The following ARHGAP6 variants were observed in gnomAD, a reference collection of about 807,000 sequenced individuals.
The protein encoded by ARHGAP6 is rho GTPase-activating protein 6.
ARHGAP6 carries 16 observed loss-of-function variants against 55.7 expected under a neutral mutation model. The ratio of observed to expected loss-of-function variants is 0.29; its 90% CI spans 0.19 to 0.44. The LOEUF is 0.44. ARHGAP6 is among the 20% of genes least tolerant of loss of function. The pLI is 1.00. For synonymous variants in ARHGAP6, 382 were observed against 360.9 expected (o/e 1.06, Z -0.66); for missense variants, 698 against 808.9 (o/e 0.86, Z 1.66).
chrX:11,329,496 G>T (rs937554213), intron 1 of ARHGAP6, among the ~76,000 whole-genome samples: 4 of 112,080 alleles, frequency 3.6e-5, no homozygotes, highest in African/African-American at 1.3e-4. Flanking sequence ...ATTGAAAAAT[G>T]CAAGACACTA....
chrX:11,609,582 C>T (rs894633584), intron 1 of ARHGAP6, among the ~76,000 whole-genome samples: 1 of 111,941 alleles, frequency 8.9e-6, no homozygotes, highest in African/African-American at 3.3e-5. Context: ...GCAGGAGAGG[C>T]AGCTATGGCA....
chrX:11,664,681 C>G lies in ARHGAP6; in HGVS notation c.148G>C (p.Glu50Gln), dbSNP rs1230298592. The change falls in exon 1 of 13, where the codon GAG (glutamate) becomes CAG (glutamine). Residue 50 changes from glutamate to glutamine, a missense_variant. By Grantham distance (29) the Glu-to-Gln change is conservative. Coordinates refer to ENST00000337414, the MANE Select transcript of ARHGAP6 (RefSeq NM_013427.3). ...CGCGCACTGCCCTCCGCGCCCGCCT[C>G]GTCGCTCCCGCAGCCGCCGATCAGG... ...PALIGGCGSD[E>Q]AGAEGSARGA... is the part of the protein sequence containing the mutation. 3 of 1,169,643 alleles carry G rather than the reference C, an allele frequency of 2.6e-6. No homozygotes were observed. Among genetic ancestry groups the G allele is most frequent in the Non-Finnish European group, 1.1e-6 (1 of 875,097 alleles).
intron 1 of ARHGAP6, among the ~76,000 whole-genome samples, chrX:11,314,974 T>G (rs1348323260): frequency 1.8e-5 from 2 of 112,255 alleles, no homozygotes; most frequent in Non-Finnish European, 3.8e-5. Flanking sequence ...ATTGATAAGA[T>G]CACCAAGTGT....
intron 1 of ARHGAP6, among the ~76,000 whole-genome samples, chrX:11,487,460 T>C (rs1328176719): frequency 8.9e-6 from 1 of 112,004 alleles, no homozygotes; most frequent in East Asian, 2.8e-4. Context: ...AGTAAGCATC[T>C]TGAAGGGGCT....
At chrX:11,239,401 A>G (rs1304420953) in intron 2 of ARHGAP6, among the ~76,000 whole-genome samples, 1 of 111,668 alleles carries the variant, frequency 9.0e-6, no homozygotes, top group Non-Finnish European at 1.9e-5. Context: ...AGTGACAAGA[A>G]GGGAGGTGAC....
At chrX:11,598,860 C>T (rs1353483915) in intron 1 of ARHGAP6, among the ~76,000 whole-genome samples, 1 of 111,142 alleles carries the variant, frequency 9.0e-6, no homozygotes, top group East Asian at 2.8e-4. Context: ...AGTTTGAGAC[C>T]AGTCTGGGCA....
intron 2 of ARHGAP6, among the ~76,000 whole-genome samples, chrX:11,224,668 G>C (rs753645887): frequency 8.2e-5 from 9 of 110,326 alleles, no homozygotes; most frequent in Non-Finnish European, 1.7e-4. Context: ...GTGGAGGGGG[G>C]GCGGTTATGA....
chrX:11,153,418 G>C (rs2045816312), intron 10 of ARHGAP6, among the ~76,000 whole-genome samples: 1 of 107,167 alleles, frequency 9.3e-6, no homozygotes, highest in Non-Finnish European at 1.9e-5. Context: ...TCAGCTACTT[G>C]GGAGGCTGAG....
At chrX:11,527,818 G>A (rs966470049) in intron 1 of ARHGAP6, among the ~76,000 whole-genome samples, 1 of 111,833 alleles carries the variant, frequency 8.9e-6, no homozygotes, top group Non-Finnish European at 1.9e-5. Flanking sequence ...TAGATGGGTT[G>A]GGGAAAACAT....
chrX:11,421,633 C>CAGAAA lies in ARHGAP6; in HGVS notation c.589-166927_589-166926insTTTCT, dbSNP rs1343018950. Among the ~76,000 whole-genome samples, 7 of 111,906 alleles carry CAGAAA rather than the reference C, an allele frequency of 6.3e-5. No homozygotes were observed. In the East Asian group the frequency reaches 2.0e-3, roughly 31 times the overall value. Reference sequence around the variant, plus strand: ...GCTCTGAAAACTTGTACTAGATTACCTCAGAGTCAGCTGAGGTGAAGTATT... The same window carrying CAGAAA: ...GCTCTGAAAACTTGTACTAGATTACCAGAAATCAGAGTCAGCTGAGGTGAAGTATT... On this transcript the variant is annotated intron_variant, in intron 1 of 12. Transcript: ENST00000337414.
intron 1 of ARHGAP6, among the ~76,000 whole-genome samples, chrX:11,636,961 C>T (rs2052426256): frequency 9.0e-6 from 1 of 111,005 alleles, no homozygotes; most frequent in Non-Finnish European, 1.9e-5. Flanking sequence ...AAATTTTAGG[C>T]CATGATCAAT....
intron 2 of ARHGAP6, among the ~76,000 whole-genome samples, chrX:11,230,610 AGTGTGTGT>A (rs3030687): frequency 2.0e-5 from 2 of 98,152 alleles, no homozygotes; most frequent in African/African-American, 7.5e-5. Flanking sequence ...AGTTATTAGG[AGTGTGTGT>A]GTGTGTGTGT....
chrX:11,623,074 G>A (rs187632091), intron 1 of ARHGAP6, among the ~76,000 whole-genome samples: 12 of 111,372 alleles, frequency 1.1e-4, no homozygotes, highest in Admixed American at 7.6e-4. Flanking sequence ...GCAATAAGAC[G>A]AGGAAAATAA....
intron 1 of ARHGAP6, among the ~76,000 whole-genome samples, chrX:11,354,112 C>T (rs1249235989): frequency 9.1e-6 from 1 of 109,315 alleles, no homozygotes; most frequent in African/African-American, 3.3e-5. Flanking sequence ...GTCACTTCTC[C>T]AGTGTTTCCA....
intron 1 of ARHGAP6, among the ~76,000 whole-genome samples, chrX:11,516,566 G>T (rs1404516377): frequency 2.7e-5 from 3 of 111,659 alleles, no homozygotes; most frequent in Non-Finnish European, 5.6e-5. Flanking sequence ...AACATTTACT[G>T]TGCATTCTAT....
chrX:11,328,131 T>C (rs1485480708), intron 1 of ARHGAP6, among the ~76,000 whole-genome samples: 5 of 112,485 alleles, frequency 4.4e-5, no homozygotes, highest in Non-Finnish European at 7.5e-5. Context: ...TGTTTTGGTA[T>C]TAGATTGGTG....
chrX:11,628,995 G>A (rs1334137361), intron 1 of ARHGAP6, among the ~76,000 whole-genome samples: 1 of 106,991 alleles, frequency 9.3e-6, no homozygotes, highest in Non-Finnish European at 1.9e-5. Flanking sequence ...GTGTGTGTGT[G>A]TGTGTGTGTG....
At chrX:11,328,658 C>T (rs1349003469) in intron 1 of ARHGAP6, among the ~76,000 whole-genome samples, 2 of 112,184 alleles carry the variant, frequency 1.8e-5, no homozygotes, top group African/African-American at 6.5e-5. Flanking sequence ...AAGTGTCTGC[C>T]CTTGCAGAAC....
At chrX:11,328,904 A>G (rs1018017737) in intron 1 of ARHGAP6, among the ~76,000 whole-genome samples, 1 of 112,199 alleles carries the variant, frequency 8.9e-6, no homozygotes, top group African/African-American at 3.2e-5. Context: ...TAACTCATGT[A>G]GCTAGATCAC....
Sources: gnomAD v4.1 joint callset for allele counts (sites outside exome capture counted in the v4.1 genomes callset) on GRCh38, gnomAD v4.1.1 for gene constraint, MANE v1.5 for transcripts, NCBI Gene and HGNC (gene_info 2026-07-23, HGNC 2026-07-21) for gene names.